Variants in RASGRF1 observed in about 807,000 individuals in gnomAD.
The protein encoded by RASGRF1 is Ras protein specific guanine nucleotide releasing factor 1.
RASGRF1 carries 40 observed loss-of-function variants against 138.7 expected under a neutral mutation model. That is an observed-to-expected ratio of 0.29 (90% CI 0.22 to 0.38). The LOEUF (loss-of-function observed/expected upper bound fraction) is 0.38, where lower values mean the gene tolerates loss of function less well. Among genes scored for constraint, RASGRF1 ranks in the 10% least tolerant of loss-of-function variants. The pLI is 1.00. For synonymous variants in RASGRF1, 614 were observed against 663.2 expected (o/e 0.93, Z 1.14); for missense variants, 1,108 against 1,650.4 (o/e 0.67, Z 5.69).
chr15:79,032,031 G>T lies in RASGRF1; in HGVS notation c.1152+92C>A. ...CGCCCCCTTTGGCAGCCCAGAGCTGGGGTGCGTTAAGCACTGTGCCCCCAC... is the reference window on the plus strand; with the variant it reads ...CGCCCCCTTTGGCAGCCCAGAGCTGTGGTGCGTTAAGCACTGTGCCCCCAC... On this transcript the variant is annotated intron_variant, in intron 7 of 26. Transcript: ENST00000558480. This position sits in a 1 kb window ranked among gnomAD's most constrained non-coding sequence, Gnocchi z 4.5. 1 of 1,417,018 alleles carries T rather than the reference G, an allele frequency of 7.1e-7. No individual in the cohort carries two copies. 87.8% of individuals were successfully genotyped at this position (1,417,018 alleles called of 1,614,324 possible).
chr15:79,006,775 G>A lies in RASGRF1; in HGVS notation c.1827-341C>T, dbSNP rs985401320. ...GCCTGTAATCCCAGCACTTTGGGAG[G>A]CTGAGGTGGGAGGATCACTTGAGGT... is the stretch of plus-strand genomic sequence containing the variant. On this transcript the variant is annotated intron_variant, in intron 13 of 26. Coordinates refer to ENST00000558480, the MANE Select transcript of RASGRF1 (RefSeq NM_001145648.3). The surrounding 1 kb of genome is among the most constrained non-coding windows in gnomAD (Gnocchi z 4.0). 2.6e-5 allele frequency among the ~76,000 whole-genome samples: 4 copies of A among 152,230 alleles called. No homozygotes were observed. The highest frequency in any genetic ancestry group is 9.6e-5 in the African/African-American group (4 of 41,458).
Position 79,018,983 on chromosome 15 carries a change from C to G in RASGRF1, c.1606+1058G>C, listed in dbSNP as rs369615013. Among the ~76,000 whole-genome samples, 10 of 152,274 alleles carry G rather than the reference C, an allele frequency of 6.6e-5. No individual in the cohort carries two copies. The South Asian group carries it at 1.2e-3, about 19-fold the overall frequency. On this transcript the variant is annotated intron_variant, in intron 11 of 26. Coordinates refer to ENST00000558480, the MANE Select transcript of RASGRF1 (RefSeq NM_001145648.3). Reference sequence around the variant, plus strand: ...CCTCGTTTATTCTTCCCTTGGGGAACCACTTGATTTGGCCCTTATTGGAAG... The same window carrying G: ...CCTCGTTTATTCTTCCCTTGGGGAAGCACTTGATTTGGCCCTTATTGGAAG...
In RASGRF1 at chr15:78,990,039, A is replaced by AG. The variant is rs559923368; in HGVS notation, c.3216+149dup. The AG allele has an allele frequency of 3.9e-4, 266 of 689,728 alleles. 2 individuals carry two copies. The African/African-American group carries it at 4.5e-3, about 12-fold the overall frequency. 42.7% of individuals were successfully genotyped at this position (689,728 alleles called of 1,614,324 possible). ...AGACTGAGACTGAGGTGAGGCAACC[A>AG]GCCCGAGGCCACATGGCAAGGGGTG... is the stretch of plus-strand genomic sequence containing the variant. On this transcript the variant is annotated intron_variant, in intron 22 of 26. Coordinates refer to ENST00000558480, the MANE Select transcript of RASGRF1 (RefSeq NM_001145648.3).
At chr15:79,034,801 T>C (rs1056027344) in intron 6 of RASGRF1, among the ~76,000 whole-genome samples, 1 of 152,048 alleles carries the variant, frequency 6.6e-6, no homozygotes, top group African/African-American at 2.4e-5. Flanking sequence ...CACACCAAAG[T>C]GTTTGTAGTG....
chr15:78,977,447 T>TG (rs147689521), intron 24 of RASGRF1, among the ~76,000 whole-genome samples: 1 of 151,230 alleles, frequency 6.6e-6, no homozygotes, highest in East Asian at 2.0e-4. Context: ...TGCGATGGGG[T>TG]GGGGGTGGAA....
chr15:78,970,129 T>C (rs2141594326), intron 26 of RASGRF1, among the ~76,000 whole-genome samples: 1 of 152,266 alleles, frequency 6.6e-6, no homozygotes, highest in South Asian at 2.1e-4. Flanking sequence ...AAAAGCTTGA[T>C]TTTCCGGTGT....
intron 26 of RASGRF1, among the ~76,000 whole-genome samples, chr15:78,963,669 T>C (rs2055589471): frequency 3.3e-5 from 5 of 152,214 alleles, no homozygotes. Flanking sequence ...CTGCTGCTTT[T>C]GTCTTGGCTA....
Position 79,006,267 on chromosome 15 carries a change from T to C in RASGRF1, c.1994A>G (p.Tyr665Cys). Residue 665 changes from tyrosine to cysteine, a missense_variant, in exon 14 of 27, where the codon TAC becomes TGC. This residue lies in a region of RASGRF1 where 686 missense variants were observed against 976.7 expected (regional missense o/e 0.70). Transcript: ENST00000558480. The surrounding 1 kb of genome is among the most constrained non-coding windows in gnomAD (Gnocchi z 4.0). ...CACGATGGCGGTGGTGAAGACGCGG[T>C]AGGAGTGCAGGAAGGTGTTGAGGAA... ...IDFLNTFLHS[Y>C]RVFTTAIVVL... is the part of the protein sequence containing the mutation. 1 of 1,614,014 alleles carries C rather than the reference T, an allele frequency of 6.2e-7. No homozygotes were observed. The highest frequency in any genetic ancestry group is 8.5e-7 in the Non-Finnish European group (1 of 1,180,004).
intron 5 of RASGRF1, among the ~76,000 whole-genome samples, chr15:79,036,042 T>C (rs1298149041): frequency 6.6e-6 from 1 of 152,190 alleles, no homozygotes; most frequent in Non-Finnish European, 1.5e-5. Flanking sequence ...CCGTTTTCCA[T>C]CCACTGCTCC....
At chr15:79,037,384 G>A (rs2057236672) in intron 5 of RASGRF1, among the ~76,000 whole-genome samples, 1 of 151,896 alleles carries the variant, frequency 6.6e-6, no homozygotes, top group South Asian at 2.1e-4. Flanking sequence ...GGTGGGGGAG[G>A]TGCGGTGGGG....
intron 5 of RASGRF1, among the ~76,000 whole-genome samples, chr15:79,045,195 C>T (rs1273611305): frequency 6.6e-6 from 1 of 152,204 alleles, no homozygotes; most frequent in Non-Finnish European, 1.5e-5. Context: ...GTAGCATCAG[C>T]AGCACCTGCA....
rs755053906 is a variant in RASGRF1 at position 79,006,354 on chromosome 15, C to T, written c.1907G>A (p.Arg636His). The change falls in exon 14 of 27, where the codon CGC becomes CAC. Residue 636 changes from arginine to histidine, a missense_variant. Arg to His is a conservative substitution (Grantham distance 29, BLOSUM62 0). Coordinates refer to ENST00000558480, the MANE Select transcript of RASGRF1 (RefSeq NM_001145648.3). The surrounding 1 kb of genome is among the most constrained non-coding windows in gnomAD (Gnocchi z 4.0). ...CAGCAGCCGCTCCACACTGGCGTAG[C>T]GGATCTGCAGCACTTTGCAGGAGTT... The part of the protein sequence containing the change: ...TMNSCKVLQI[R>H]YASVERLLER... The T allele has an allele frequency of 4.3e-6, 7 of 1,614,176 alleles. No individual in the cohort carries two copies. Among genetic ancestry groups the T allele is most frequent in the Middle Eastern group, 1.6e-4 (1 of 6,062 alleles).
intron 5 of RASGRF1, among the ~76,000 whole-genome samples, chr15:79,041,627 C>T (rs1369448217): frequency 6.6e-6 from 1 of 152,130 alleles, no homozygotes; most frequent in Admixed American, 6.5e-5. Flanking sequence ...ATGTTCCAGC[C>T]AGAGAAGTGG....
intron 18 of RASGRF1, 144 bp downstream of exon 18, chr15:78,998,575 G>A: frequency 1.4e-6 from 1 of 694,508 alleles, no homozygotes; most frequent in South Asian, 1.7e-5. Flanking sequence ...ACATCAGGGT[G>A]GCACATTTGA....
At chr15:79,011,681 C>G (rs1055731484) in intron 13 of RASGRF1, among the ~76,000 whole-genome samples, 3 of 152,164 alleles carry the variant, frequency 2.0e-5, no homozygotes, top group Admixed American at 6.5e-5. Flanking sequence ...TGCATGGGCT[C>G]CTTGGTTCAA....
At chr15:79,085,253 T>C (rs949770608) in intron 1 of RASGRF1, among the ~76,000 whole-genome samples, 2 of 152,152 alleles carry the variant, frequency 1.3e-5, no homozygotes, top group Non-Finnish European at 2.9e-5. Flanking sequence ...TGGGAGATCA[T>C]TTCAGGTGGA....
At chr15:79,079,986 G>A (rs1209095627) in intron 1 of RASGRF1, among the ~76,000 whole-genome samples, 1 of 152,190 alleles carries the variant, frequency 6.6e-6, no homozygotes, top group Non-Finnish European at 1.5e-5. Flanking sequence ...CAGCAGATGC[G>A]ACTCATGGGG....
rs748960231 is a variant in RASGRF1 at position 79,012,503 on chromosome 15, TTCCCTGGTCCCC to T, written c.1826+2812_1826+2823del. The T allele has an allele frequency of 2.7e-5, 43 of 1,609,948 alleles. No individual in the cohort carries two copies. In the African/African-American group the frequency reaches 4.1e-4, roughly 15 times the overall value. On this transcript the variant is annotated intron_variant, in intron 13 of 26. Transcript: ENST00000558480. ...GGAGACCCCACCTGCTCATTTCTGC[TTCCCTGGTCCCC>T]TCCCTGGTCCTCCTGTGAAGAAAAC...
intron 24 of RASGRF1, chr15:78,978,773 C>T (rs2055943177): frequency 1.8e-6 from 2 of 1,118,450 alleles, no homozygotes; most frequent in East Asian, 6.4e-5. Flanking sequence ...AAGCATTTGC[C>T]CCAGGTTTCC....
Sources: allele counts gnomAD v4.1 joint callset (sites outside exome capture counted in the v4.1 genomes callset), GRCh38; gene constraint gnomAD v4.1.1; regional missense constraint gnomAD v4.1.1; non-coding constraint Gnocchi (gnomAD v3.1); transcripts MANE v1.5; gene names NCBI Gene and HGNC (gene_info 2026-07-23, HGNC 2026-07-21).